Variants in NRG1 observed in about 807,000 individuals in gnomAD.
NRG1 encodes pro-neuregulin-1, membrane-bound isoform.
Under a neutral mutation model 63.8 loss-of-function variants are expected in NRG1, and 18 were observed. The ratio of observed to expected loss-of-function variants is 0.28; its 90% confidence interval spans 0.19 to 0.42. NRG1 has a LOEUF of 0.42. Among genes scored for constraint, NRG1 ranks in the 10% least tolerant of loss-of-function variants. The pLI, the probability that NRG1 is intolerant of heterozygous loss-of-function variation, is 1.00. For synonymous variants in NRG1, 302 were observed against 301.3 expected (o/e 1.00, Z -0.02); for missense variants, 762 against 814.7 (o/e 0.94, Z 0.79).
intron 1 of NRG1, among the ~76,000 whole-genome samples, chr8:31,860,802 A>G (rs1828404365): frequency 6.6e-6 from 1 of 152,212 alleles, no homozygotes; most frequent in Non-Finnish European, 1.5e-5. Context: ...TCCCATTTCA[A>G]CTTATTTTAA....
chr8:31,813,361 G>T (rs1823074795), intron 1 of NRG1, among the ~76,000 whole-genome samples: 1 of 152,046 alleles, frequency 6.6e-6, no homozygotes, highest in African/African-American at 2.4e-5. Context: ...TCATTTTCCA[G>T]AAAATTGGGT....
chr8:31,852,156 T>A (rs1343246893), intron 1 of NRG1, among the ~76,000 whole-genome samples: 24 of 146,228 alleles, frequency 1.6e-4, no homozygotes, highest in African/African-American at 4.1e-4. Flanking sequence ...ATGGTATTTC[T>A]AGTTCTAGAT....
At chr8:32,221,269 C>T (rs1806945656) in intron 1 of NRG1, 1 of 152,172 alleles carries the variant, frequency 6.6e-6, no homozygotes, top group Non-Finnish European at 1.5e-5. Context: ...GTTTAGCTAG[C>T]ATGCATTTTG....
At chr8:32,638,253 A>G (rs1038680324) in intron 5 of NRG1, among the ~76,000 whole-genome samples, 3 of 152,224 alleles carry the variant, frequency 2.0e-5, no homozygotes, top group Non-Finnish European at 4.4e-5. Flanking sequence ...AACATGGCAC[A>G]TGTATACCTG....
At chr8:31,773,988 A>G (rs1409810680) in intron 1 of NRG1, among the ~76,000 whole-genome samples, 2 of 152,090 alleles carry the variant, frequency 1.3e-5, no homozygotes, top group African/African-American at 4.8e-5. Flanking sequence ...TTGTGAAATA[A>G]CTAAATAAAT....
At chr8:32,265,179 T>A (rs1850787773) in intron 1 of NRG1, among the ~76,000 whole-genome samples, 1 of 151,690 alleles carries the variant, frequency 6.6e-6, no homozygotes, top group African/African-American at 2.4e-5. Flanking sequence ...ACAGAAAAAA[T>A]TTTAAATTAT....
chr8:32,263,427 A>G (rs1850593303), intron 1 of NRG1, among the ~76,000 whole-genome samples: 1 of 152,146 alleles, frequency 6.6e-6, no homozygotes. Flanking sequence ...CACTGGGAGA[A>G]TGTAGAAGTA....
At chr8:32,734,611 T>C (rs7844475) in intron 6 of NRG1, among the ~76,000 whole-genome samples, 6,849 of 152,296 alleles carry the variant, frequency 0.045, 187 homozygotes, top group Middle Eastern at 0.092. Context: ...TGGATCTAGA[T>C]AGTGCGCTCT....
chr8:32,111,099 G>A (rs1434482973), intron 1 of NRG1, among the ~76,000 whole-genome samples: 1 of 151,932 alleles, frequency 6.6e-6, no homozygotes, highest in African/African-American at 2.4e-5. Context: ...GTATCATTTT[G>A]CTGAGCTATC....
rs1381863 is a variant in NRG1, at chr8:32,057,967, A to G, written c.37+418536A>G. Reference sequence around the variant, plus strand: ...TGTCGTTTACAATAATCTATTTTCTATCTCAAAATAGCTAAAAGAGAATAG... The same window carrying G: ...TGTCGTTTACAATAATCTATTTTCTGTCTCAAAATAGCTAAAAGAGAATAG... On this transcript the variant is annotated intron_variant, in intron 1 of 10. Transcript: ENST00000519301. 1.8e-4 allele frequency among the ~76,000 whole-genome samples: 28 copies of G among 152,120 alleles called. 1 individual carries two copies. The East Asian group carries it at 5.4e-3, about 29-fold the overall frequency.
intron 1 of NRG1, among the ~76,000 whole-genome samples, chr8:32,032,570 A>G (rs1818430456): frequency 6.6e-6 from 1 of 152,170 alleles, no homozygotes; most frequent in African/African-American, 2.4e-5. Context: ...TCAGCCATGA[A>G]TATCTTCTTT....
chr8:32,370,037 A>G (rs1192804336), intron 1 of NRG1, among the ~76,000 whole-genome samples: 3 of 152,168 alleles, frequency 2.0e-5, no homozygotes, highest in African/African-American at 7.2e-5. Flanking sequence ...GAGAAAAGAA[A>G]AAAAAGGGAC....
At chr8:32,306,669 T>C (rs974643885) in intron 1 of NRG1, among the ~76,000 whole-genome samples, 1 of 152,244 alleles carries the variant, frequency 6.6e-6, no homozygotes, top group Admixed American at 6.5e-5. Context: ...CTCTGTATTT[T>C]AAAGTTGACA....
At chr8:32,227,634 G>C (rs1212667304) in intron 1 of NRG1, among the ~76,000 whole-genome samples, 1 of 152,062 alleles carries the variant, frequency 6.6e-6, no homozygotes, top group Non-Finnish European at 1.5e-5. Context: ...AGGCAATACT[G>C]GTCTTACTTT....
At chr8:32,030,480 A>C (rs1226972863) in intron 1 of NRG1, 4 of 152,170 alleles carry the variant, frequency 2.6e-5, no homozygotes, top group Non-Finnish European at 4.4e-5. Context: ...CCTTATTTTA[A>C]GCAACTTTTT....
intron 1 of NRG1, among the ~76,000 whole-genome samples, chr8:31,651,443 A>G (rs1804830907): frequency 2.0e-5 from 3 of 152,144 alleles, no homozygotes; most frequent in Admixed American, 2.0e-4. Flanking sequence ...TAGATGGGGC[A>G]TTGTTTTAGG....
chr8:32,566,945 C>T (rs765713916), intron 1 of NRG1, among the ~76,000 whole-genome samples: 5 of 152,132 alleles, frequency 3.3e-5, no homozygotes, highest in South Asian at 4.1e-4. Context: ...CCTCCACAAA[C>T]GATTCTGTTG....
intron 1 of NRG1, among the ~76,000 whole-genome samples, chr8:32,387,037 C>G (rs1811108277): frequency 6.6e-6 from 1 of 152,148 alleles, no homozygotes; most frequent in Non-Finnish European, 1.5e-5. Flanking sequence ...GTTGTGTGCT[C>G]TATCAGGAGA....
At chr8:32,135,561 A>C (rs1290243695) in intron 1 of NRG1, among the ~76,000 whole-genome samples, 1 of 152,116 alleles carries the variant, frequency 6.6e-6, no homozygotes, top group African/African-American at 2.4e-5. Flanking sequence ...CTGAGCAACT[A>C]AGTAGAGGCT....
Sources: gnomAD v4.1 joint callset for allele counts (sites outside exome capture counted in the v4.1 genomes callset) on GRCh38, gnomAD v4.1.1 for gene constraint, MANE v1.5 for transcripts, NCBI Gene and HGNC (gene_info 2026-07-23, HGNC 2026-07-21) for gene names.